Variants in PAWR observed in about 807,000 individuals in gnomAD.
PAWR encodes PRKC apoptosis WT1 regulator protein.
In PAWR, 23 loss-of-function variants were observed where a neutral mutation model predicts 32.0. The observed-to-expected ratio is 0.72, with a 90% confidence interval of 0.52 to 1.02. The LOEUF (loss-of-function observed/expected upper bound fraction) is 1.02, where lower values mean the gene tolerates loss of function less well. PAWR is among the 50% of genes least tolerant of loss of function. PAWR has a pLI of 0.00. For synonymous variants in PAWR, 226 were observed against 187.1 expected, an observed-to-expected ratio of 1.21 and a Z score of -1.70; for missense variants, 457 against 437.7, an observed-to-expected ratio of 1.04 and a Z score of -0.39.
chr12:79,607,380 T>C (rs1874228409), intron 4 of PAWR, among the ~76,000 whole-genome samples: 1 of 152,146 alleles, frequency 6.6e-6, no homozygotes, highest in African/African-American at 2.4e-5. Context: ...TTTCTTTAAC[T>C]ACTGAGAGAT....
chr12:79,641,588 C>G (rs1876323414), intron 2 of PAWR, among the ~76,000 whole-genome samples: 1 of 152,078 alleles, frequency 6.6e-6, no homozygotes, highest in East Asian at 1.9e-4. Flanking sequence ...GTGGCTCACG[C>G]CTGTAATCCC....
intron 2 of PAWR, among the ~76,000 whole-genome samples, chr12:79,659,366 G>A (rs1313898018): frequency 6.6e-6 from 1 of 151,922 alleles, no homozygotes; most frequent in African/African-American, 2.4e-5. Context: ...GGGCATTTTA[G>A]ACATCGGGAA....
chr12:79,614,385 T>C (rs1406735868), intron 3 of PAWR, among the ~76,000 whole-genome samples: 1 of 152,040 alleles, frequency 6.6e-6, no homozygotes, highest in East Asian at 1.9e-4. Context: ...ACCGTGTGCA[T>C]ATAGTAATTA....
Position 79,690,338 on chromosome 12 carries a change from A to AGGAGACGAC in PAWR, c.-103_-95dup. ...TCCTTCCTGCGGCCCCGAGGATGCC[A>AGGAGACGAC]GGAGACGACCTCCAGGAGAGGGACG... On this transcript the variant is annotated 5_prime_UTR_variant, in exon 2 of 7. Coordinates refer to ENST00000328827, the MANE Select transcript of PAWR (RefSeq NM_002583.4). 7.4e-7 allele frequency: 1 copy of AGGAGACGAC among 1,358,888 alleles called. No homozygotes were observed. The allele number at this position is 1,358,888 out of a possible 1,614,324, so 84.2% of individuals were successfully genotyped here. A position where few individuals can be genotyped will look rare whatever the true frequency, so the allele number is the denominator to read the frequency against.
intron 2 of PAWR, among the ~76,000 whole-genome samples, chr12:79,632,328 T>TAC (rs1875703935): frequency 1.8e-4 from 6 of 34,240 alleles, no homozygotes; most frequent in East Asian, 9.4e-4. Flanking sequence ...TATATATATA[T>TAC]ATATATATAT....
intron 2 of PAWR, among the ~76,000 whole-genome samples, chr12:79,655,032 A>G (rs201079392): frequency 6.6e-6 from 1 of 152,226 alleles, no homozygotes; most frequent in East Asian, 1.9e-4. Flanking sequence ...CTAAGCTGCC[A>G]GGTATTGCTG....
In PAWR at chr12:79,592,585, T is replaced by C; in HGVS notation, c.*22A>G. On this transcript the variant is annotated 3_prime_UTR_variant, in exon 7 of 7. Transcript: ENST00000328827. ...TCAATCAGTAGTTTAAAATATTTTT[T>C]CCACATTGAGTCTTGAATCCTCTAC... 1.3e-6 allele frequency: 1 copy of C among 750,368 alleles called. No individual in the cohort carries two copies. The highest frequency in any genetic ancestry group is 2.4e-6 in the Non-Finnish European group (1 of 411,468). The allele number at this position is 750,368 out of a possible 1,614,324, so 46.5% of individuals were successfully genotyped here.
chr12:79,651,847 A>C (rs1044924898), intron 2 of PAWR, among the ~76,000 whole-genome samples: 1 of 152,204 alleles, frequency 6.6e-6, no homozygotes, highest in African/African-American at 2.4e-5. Context: ...AAAGAAAAAG[A>C]AGCAAGCCAG....
intron 2 of PAWR, among the ~76,000 whole-genome samples, chr12:79,665,556 A>G (rs959592570): frequency 1.3e-5 from 2 of 152,258 alleles, no homozygotes; most frequent in African/African-American, 4.8e-5. Context: ...AACTGACTTC[A>G]CATTTCATCT....
In PAWR at chr12:79,679,961, T is replaced by C. The variant is rs8176815; in HGVS notation, c.516+9768A>G. Among the ~76,000 whole-genome samples, 18 of 152,328 alleles carry C rather than the reference T, an allele frequency of 1.2e-4. No homozygotes were observed. The South Asian group carries it at 3.7e-3, about 32-fold the overall frequency. ...CTCTGCTTCCTATACCTTTCCTCTA[T>C]GTCATTACTTGGATTGATCTTCCCA... On this transcript the variant is annotated intron_variant, in intron 2 of 6. Transcript: ENST00000328827.
intron 2 of PAWR, among the ~76,000 whole-genome samples, chr12:79,669,609 CAA>C (rs1342402198): frequency 6.6e-6 from 1 of 151,894 alleles, no homozygotes; most frequent in Non-Finnish European, 1.5e-5. Context: ...GAGTAATTCT[CAA>C]GTGTTCTTTA....
chr12:79,585,497 C>G lies in PAWR; in HGVS notation c.*7110G>C, dbSNP rs1251772032. On this transcript the variant is annotated 3_prime_UTR_variant, in exon 7 of 7. Transcript: ENST00000328827. ...TATATCATAACATAAAACCACAAAA[C>G]TTTGGACTCAAAGACTAGCTTTGTG... 1 of 173,228 alleles carries G rather than the reference C, an allele frequency of 5.8e-6. No homozygotes were observed. The highest frequency in any genetic ancestry group is 1.2e-5 in the Non-Finnish European group (1 of 82,170). The allele number at this position is 173,228 out of a possible 1,614,324, so 10.7% of individuals were successfully genotyped here. A position where few individuals can be genotyped will look rare whatever the true frequency, so the allele number is the denominator to read the frequency against.
At chr12:79,626,932 C>T (rs186008415) in intron 2 of PAWR, among the ~76,000 whole-genome samples, 103 of 152,186 alleles carry the variant, frequency 6.8e-4, no homozygotes, top group Admixed American at 3.1e-3. Context: ...TCATTTTTTA[C>T]GGCTGCATAG....
intron 4 of PAWR, among the ~76,000 whole-genome samples, chr12:79,606,879 G>C (rs1874206265): frequency 1.3e-5 from 2 of 151,804 alleles, no homozygotes; most frequent in South Asian, 4.2e-4. Context: ...GGACTATCAA[G>C]GAATTAACTA....
chr12:79,667,175 A>C (rs1450968565), intron 2 of PAWR, among the ~76,000 whole-genome samples: 1 of 152,184 alleles, frequency 6.6e-6, no homozygotes, highest in African/African-American at 2.4e-5. Context: ...ACCTTGGCAA[A>C]ATAAATTTTC....
chr12:79,688,858 G>C (rs1165633550), intron 2 of PAWR, among the ~76,000 whole-genome samples: 1 of 152,188 alleles, frequency 6.6e-6, no homozygotes, highest in Non-Finnish European at 1.5e-5. Context: ...TCAAATCCAT[G>C]AGCTACTATC....
chr12:79,610,434 A>G (rs1276742671), intron 4 of PAWR, among the ~76,000 whole-genome samples: 1 of 152,220 alleles, frequency 6.6e-6, no homozygotes, highest in Non-Finnish European at 1.5e-5. Context: ...TCTGACCCTG[A>G]AGAAAAAGAA....
At chr12:79,636,791 C>T (rs1298670539) in intron 2 of PAWR, among the ~76,000 whole-genome samples, 8 of 152,062 alleles carry the variant, frequency 5.3e-5, no homozygotes, top group Non-Finnish European at 8.8e-5. Context: ...CTTGTTCCTT[C>T]GATTTTCAGA....
At chr12:79,631,611 A>G (rs1477880359) in intron 2 of PAWR, among the ~76,000 whole-genome samples, 3 of 152,186 alleles carry the variant, frequency 2.0e-5, no homozygotes, top group African/African-American at 7.2e-5. Context: ...CAACTATAAA[A>G]ATCTTGCTAA....
Sources: gnomAD v4.1 joint callset for allele counts (sites outside exome capture counted in the v4.1 genomes callset) on GRCh38, gnomAD v4.1.1 for gene constraint, MANE v1.5 for transcripts, NCBI Gene and HGNC (gene_info 2026-07-23, HGNC 2026-07-21) for gene names.